The following EEFSEC variants were observed in gnomAD, a reference collection of about 807,000 sequenced individuals.
EEFSEC encodes the protein selenocysteine-specific elongation factor.
EEFSEC carries 43 observed loss-of-function variants against 42.1 expected under a neutral mutation model. The ratio of observed to expected loss-of-function variants is 1.02; its 90% confidence interval spans 0.80 to 1.32. The LOEUF is 1.32. EEFSEC is among the 40% of genes most tolerant of loss of function. The pLI is 0.00. For missense variants in EEFSEC, 745 were observed against 803.6 expected (o/e 0.93, Z 0.88); for synonymous variants, 354 against 339.1 (o/e 1.04, Z -0.48).
intron 6 of EEFSEC, among the ~76,000 whole-genome samples, chr3:128,371,798 G>A (rs1018508178): frequency 6.6e-6 from 1 of 152,220 alleles, no homozygotes; most frequent in Admixed American, 6.5e-5. Context: ...CCATGGTAGG[G>A]GCCCTACAGG....
At position 128,317,111 on chromosome 3, in the gene EEFSEC, T is replaced by G. The variant is rs2066954804; in HGVS notation, c.787-24122T>G. On this transcript the variant is annotated intron_variant, in intron 4 of 6. Transcript: ENST00000254730. The surrounding 1 kb of genome is among the most constrained non-coding windows in gnomAD (Gnocchi z 4.1). ...AAAAATAGAAGACGTTCTGGCAGGC[T>G]GGGGGTTAGAGTTTTCCAAGCAGAG... Among the ~76,000 whole-genome samples the G allele has an allele frequency of 6.6e-6, 1 of 152,100 alleles. No homozygotes were observed. Among genetic ancestry groups the G allele is most frequent in the African/African-American group, 2.4e-5 (1 of 41,410 alleles).
rs557442915 is a variant in EEFSEC at position 128,162,361 on chromosome 3, A to G, written c.316+8538A>G. 9.2e-5 allele frequency among the ~76,000 whole-genome samples: 14 copies of G among 152,316 alleles called. No homozygotes were observed. The South Asian group carries it at 2.3e-3, about 25-fold the overall frequency. On this transcript the variant is annotated intron_variant, in intron 1 of 6. Transcript: ENST00000254730. ...CTTGCTTCAAAGACTCTTATGTTCAATAGAGTCTGCCTCACTCAGCACTAA... is the reference window on the plus strand; with the variant it reads ...CTTGCTTCAAAGACTCTTATGTTCAGTAGAGTCTGCCTCACTCAGCACTAA...
Position 128,336,668 on chromosome 3 carries a change from T to G in EEFSEC, c.787-4565T>G, listed in dbSNP as rs151136020. On this transcript the variant is annotated intron_variant, in intron 4 of 6. Coordinates refer to ENST00000254730, the MANE Select transcript of EEFSEC (RefSeq NM_021937.5). ...GGTTTGTTACCGATCTGGTCTTGGC[T>G]CCAATGCCACCTCCTCAGGGAAGTC... Among the ~76,000 whole-genome samples the G allele has an allele frequency of 9.7e-3, 1,477 of 152,288 alleles. 15 individuals are homozygous for G. The highest frequency in any genetic ancestry group is 0.015 in the Non-Finnish European group (996 of 68,016).
downstream of EEFSEC, among the ~76,000 whole-genome samples, chr3:128,410,096 A>G (rs1003689465): frequency 6.6e-6 from 1 of 152,156 alleles, no homozygotes; most frequent in Non-Finnish European, 1.5e-5. Context: ...GGCCCCTCTG[A>G]GCACTTGCCA....
chr3:128,228,773 G>A (rs139662713), intron 1 of EEFSEC, among the ~76,000 whole-genome samples: 1 of 152,290 alleles, frequency 6.6e-6, no homozygotes, highest in Non-Finnish European at 1.5e-5. Flanking sequence ...CTGCAAAATG[G>A]GGGTGTTGGT....
intron 1 of EEFSEC, among the ~76,000 whole-genome samples, chr3:128,185,143 C>A (rs972253825): frequency 6.6e-6 from 1 of 152,158 alleles, no homozygotes; most frequent in Non-Finnish European, 1.5e-5. Context: ...AAAACCCCAT[C>A]TGAACTGACT....
chr3:128,340,377 TTA>T, intron 4 of EEFSEC, among the ~76,000 whole-genome samples: 1 of 149,876 alleles, frequency 6.7e-6, no homozygotes, highest in Middle Eastern at 3.2e-3. Flanking sequence ...TATTATATAA[TTA>T]TATTAATATA....
chr3:128,339,764 T>G (rs1414478981), intron 4 of EEFSEC, among the ~76,000 whole-genome samples: 1 of 152,188 alleles, frequency 6.6e-6, no homozygotes, highest in African/African-American at 2.4e-5. Context: ...GACTGGGTAA[T>G]TTATTTTTTA....
intron 4 of EEFSEC, among the ~76,000 whole-genome samples, chr3:128,280,996 A>G (rs949369688): frequency 3.3e-5 from 5 of 152,034 alleles, no homozygotes; most frequent in African/African-American, 1.2e-4. Context: ...TCCCTTTCAC[A>G]GCAGCTGCCA....
At chr3:128,371,317 G>T (rs2067651345) in intron 6 of EEFSEC, among the ~76,000 whole-genome samples, 1 of 152,012 alleles carries the variant, frequency 6.6e-6, no homozygotes, top group Non-Finnish European at 1.5e-5. Context: ...GTCTAGACAG[G>T]GTTCCCATCG....
At chr3:128,160,118 T>G (rs926036612) in intron 1 of EEFSEC, among the ~76,000 whole-genome samples, 2 of 152,258 alleles carry the variant, frequency 1.3e-5, no homozygotes, top group African/African-American at 4.8e-5. Flanking sequence ...TGTGGGTTAG[T>G]GGACAGAAGG....
intron 6 of EEFSEC, among the ~76,000 whole-genome samples, chr3:128,381,091 C>A (rs1559949820): frequency 6.6e-6 from 1 of 152,214 alleles, no homozygotes; most frequent in Non-Finnish European, 1.5e-5. Flanking sequence ...TTCTGATTGG[C>A]TCTTGCTATG....
intron 4 of EEFSEC, among the ~76,000 whole-genome samples, chr3:128,316,053 C>T (rs183139589): frequency 1.3e-5 from 2 of 152,250 alleles, no homozygotes; most frequent in Admixed American, 6.5e-5. Context: ...TTATGCATTG[C>T]CAGAAAAGAC....
At chr3:128,385,017 A>C (rs2067822167) in intron 6 of EEFSEC, among the ~76,000 whole-genome samples, 1 of 152,138 alleles carries the variant, frequency 6.6e-6, no homozygotes, top group South Asian at 2.1e-4. Context: ...AGACCATCCT[A>C]CCATTATGAT....
At chr3:128,360,142 A>G (rs779406820) in intron 6 of EEFSEC, among the ~76,000 whole-genome samples, 6 of 152,162 alleles carry the variant, frequency 3.9e-5, no homozygotes, top group Non-Finnish European at 8.8e-5. Context: ...AAGCTCTAAA[A>G]TTCTGTCCTG....
chr3:128,235,591 C>T (rs2999083), intron 1 of EEFSEC, among the ~76,000 whole-genome samples: 130,808 of 152,270 alleles, frequency 0.86, 56,397 homozygotes, highest in East Asian at 0.99. Context: ...TCCCACGGAT[C>T]CTCTAGAAGT....
chr3:128,392,668 G>T (rs918856615), intron 6 of EEFSEC, among the ~76,000 whole-genome samples: 1 of 152,232 alleles, frequency 6.6e-6, no homozygotes, highest in Non-Finnish European at 1.5e-5. Flanking sequence ...TGCCCCTCAC[G>T]CCAAGCTCCC....
In EEFSEC at chr3:128,341,667, T is replaced by C. The variant is rs1463868046; in HGVS notation, c.1221T>C (p.Pro407=). 1.2e-6 allele frequency: 2 copies of C among 1,614,102 alleles called. No homozygotes were observed. ...GCCAGGCCACAGAGGGCCATTGTCC[T>C]CGGCAGCAGTGGGCCCTGGTGGAGT... is the stretch of plus-strand genomic sequence containing the variant. ...KAGQATEGHC[P]RQQWALVEFE... is the part of the protein sequence containing the mutation. Residue 407 remains proline (P), a synonymous_variant, in exon 5 of 7, where the codon CCT becomes CCC. Coordinates refer to ENST00000254730, the MANE Select transcript of EEFSEC (RefSeq NM_021937.5).
intron 4 of EEFSEC, among the ~76,000 whole-genome samples, chr3:128,289,255 C>T (rs1171627300): frequency 6.6e-6 from 1 of 152,182 alleles, no homozygotes; most frequent in Non-Finnish European, 1.5e-5. Context: ...AATATAGGTT[C>T]CCCACTCCCG....
Sources: allele counts gnomAD v4.1 joint callset (sites outside exome capture counted in the v4.1 genomes callset), GRCh38; gene constraint gnomAD v4.1.1; non-coding constraint Gnocchi (gnomAD v3.1); transcripts MANE v1.5; gene names NCBI Gene and HGNC (gene_info 2026-07-23, HGNC 2026-07-21).